The following BICRAL variants were observed in gnomAD, a reference collection of about 807,000 sequenced individuals.
BICRAL encodes BRD4-interacting chromatin-remodeling complex-associated protein-like.
Under a neutral mutation model 91.8 loss-of-function variants are expected in BICRAL, and 8 were observed. That is an observed-to-expected ratio of 0.09 (90% CI 0.05 to 0.16). BICRAL has a LOEUF of 0.16. Ranked by LOEUF, BICRAL falls within the 10% of genes least tolerant of loss-of-function variation. The pLI is 1.00. For missense variants in BICRAL, 1,038 were observed against 1,310.9 expected, an observed-to-expected ratio of 0.79 and a Z score of 3.21; for synonymous variants, 445 against 491.1, an observed-to-expected ratio of 0.91 and a Z score of 1.24.
chr6:42,785,718 G>A (rs1014652180), intron 1 of BICRAL, among the ~76,000 whole-genome samples: 3 of 152,162 alleles, frequency 2.0e-5, no homozygotes, highest in Non-Finnish European at 4.4e-5. Context: ...TTGGGAAGTA[G>A]GATAGTCAAG....
At chr6:42,852,484 A>G (rs994223393) in intron 7 of BICRAL, 3 of 519,030 alleles carry the variant, frequency 5.8e-6, no homozygotes, top group African/African-American at 3.8e-5. Context: ...CAACATGATG[A>G]AACCCCATCT....
chr6:42,857,267 CTG>C, intron 10 of BICRAL, 31 bp downstream of exon 10: 1 of 1,581,374 alleles, frequency 6.3e-7, no homozygotes, highest in Non-Finnish European at 8.6e-7. Flanking sequence ...AGGCACCACT[CTG>C]ATACCAGGAA....
At chr6:42,746,743 G>A (rs1582793317), upstream of BICRAL, among the ~76,000 whole-genome samples, 1 of 151,924 alleles carries the variant, frequency 6.6e-6, no homozygotes, top group Admixed American at 6.6e-5. Context: ...ACTGCAGTTC[G>A]GCGCGGCCTG....
At chr6:42,801,222 GCC>G (rs2113898569) in intron 1 of BICRAL, among the ~76,000 whole-genome samples, 1 of 146,416 alleles carries the variant, frequency 6.8e-6, no homozygotes. Context: ...CTGCACTCCA[GCC>G]TGGCTGGCAG....
In BICRAL at chr6:42,830,090, G is replaced by T. The variant is rs766290946; in HGVS notation, c.1757G>T (p.Arg586Leu). 1.2e-6 allele frequency: 2 copies of T among 1,613,978 alleles called. No individual in the cohort carries two copies. Among genetic ancestry groups the T allele is most frequent in the Non-Finnish European group, 1.7e-6 (2 of 1,179,990 alleles). Reference protein sequence around the residue: ...RTPVPVSVSHRLPVSSSKSTS... With the variant: ...RTPVPVSVSHLLPVSSSKSTS... ...CCAGTACCAGTCAGTGTGTCTCATCGTCTTCCAGTTTCTTCTTCCAAGTCT... is the reference window on the plus strand; with the variant it reads ...CCAGTACCAGTCAGTGTGTCTCATCTTCTTCCAGTTTCTTCTTCCAAGTCT... The change falls in exon 6 of 13, where the codon CGT (arginine) becomes CTT (leucine). Residue 586 changes from arginine to leucine, a missense_variant. This residue lies in a region of BICRAL where 532 missense variants were observed against 724.9 expected (regional missense o/e 0.73). Transcript: ENST00000314073.
chr6:42,831,527 T>C (rs1764476961), intron 6 of BICRAL, among the ~76,000 whole-genome samples: 1 of 152,208 alleles, frequency 6.6e-6, no homozygotes, highest in Non-Finnish European at 1.5e-5. Flanking sequence ...GCTTTAGTCC[T>C]TCACTGTCAT....
chr6:42,747,558 A>G (rs1479625780), intron 1 of BICRAL, among the ~76,000 whole-genome samples: 1 of 152,132 alleles, frequency 6.6e-6, no homozygotes, highest in Admixed American at 6.5e-5. Flanking sequence ...CAAAACACAC[A>G]TAAATTGCTG....
chr6:42,794,427 G>A (rs368079297), intron 1 of BICRAL, among the ~76,000 whole-genome samples: 2 of 47,800 alleles, frequency 4.2e-5, no homozygotes, highest in Admixed American at 3.0e-4. Flanking sequence ...GTGTGTGTGT[G>A]TGTGTGTGTG....
intron 1 of BICRAL, among the ~76,000 whole-genome samples, chr6:42,774,345 T>C (rs991554292): frequency 2.6e-5 from 4 of 152,108 alleles, no homozygotes; most frequent in Non-Finnish European, 4.4e-5. Flanking sequence ...GAAAGGTGGG[T>C]GTTACAAACA....
intron 6 of BICRAL, among the ~76,000 whole-genome samples, chr6:42,837,328 G>A (rs898667521): frequency 1.1e-4 from 17 of 152,008 alleles, no homozygotes; most frequent in African/African-American, 2.9e-4. Flanking sequence ...GGCTTTTGGC[G>A]TTTGTATATT....
At chr6:42,815,730 G>T (rs141651997) in intron 2 of BICRAL, among the ~76,000 whole-genome samples, 1 of 151,842 alleles carries the variant, frequency 6.6e-6, no homozygotes, top group Admixed American at 6.6e-5. Flanking sequence ...GCTCCTGACT[G>T]TAATCCCAGC....
chr6:42,749,112 T>A (rs1427924830), intron 1 of BICRAL, among the ~76,000 whole-genome samples: 13 of 152,244 alleles, frequency 8.5e-5, no homozygotes, highest in Non-Finnish European at 1.5e-5. Context: ...CTTTACCGTT[T>A]ATTTAACAAC....
intron 5 of BICRAL, 41 bp downstream of exon 5, chr6:42,823,044 G>C: frequency 8.3e-7 from 1 of 1,204,938 alleles, no homozygotes; most frequent in Non-Finnish European, 1.2e-6. Flanking sequence ...AATGGTTTCT[G>C]TCTGATTGAT....
At chr6:42,765,890 G>A (rs1033340279) in intron 1 of BICRAL, among the ~76,000 whole-genome samples, 3 of 152,162 alleles carry the variant, frequency 2.0e-5, no homozygotes, top group Non-Finnish European at 4.4e-5. Flanking sequence ...AACTTAGTGT[G>A]TAGAAATCGT....
chr6:42,819,566 A>G (rs1416167959), intron 2 of BICRAL, among the ~76,000 whole-genome samples: 1 of 152,198 alleles, frequency 6.6e-6, no homozygotes, highest in Admixed American at 6.5e-5. Flanking sequence ...GATTACAGGC[A>G]TGTGCCACCA....
At chr6:42,809,480 G>A (rs934873545) in intron 1 of BICRAL, among the ~76,000 whole-genome samples, 9 of 132,688 alleles carry the variant, frequency 6.8e-5, no homozygotes, top group East Asian at 6.6e-4. Context: ...CTTGTTGCCC[G>A]GACTAGAGTG....
chr6:42,838,068 A>C (rs777178331), intron 6 of BICRAL, among the ~76,000 whole-genome samples: 2 of 152,212 alleles, frequency 1.3e-5, no homozygotes, highest in Non-Finnish European at 2.9e-5. Context: ...CTTTATTTAT[A>C]TACTTTTTTC....
intron 6 of BICRAL, among the ~76,000 whole-genome samples, chr6:42,838,234 T>C (rs1764695621): frequency 1.3e-5 from 2 of 152,214 alleles, no homozygotes; most frequent in African/African-American, 4.8e-5. Context: ...TTTTTCACTT[T>C]AGAATCCAGA....
intron 6 of BICRAL, among the ~76,000 whole-genome samples, chr6:42,844,256 A>C (rs1296184360): frequency 6.7e-6 from 1 of 149,466 alleles, no homozygotes; most frequent in Non-Finnish European, 1.5e-5. Context: ...TCACGCCTGT[A>C]ATCCCAGCAC....
Sources: allele counts gnomAD v4.1 joint callset (sites outside exome capture counted in the v4.1 genomes callset), GRCh38; gene constraint gnomAD v4.1.1; regional missense constraint gnomAD v4.1.1; transcripts MANE v1.5; gene names NCBI Gene and HGNC (gene_info 2026-07-23, HGNC 2026-07-21).